DLGAP2: variants seen among roughly 807,000 people sequenced by gnomAD.
DLGAP2 encodes DLG associated protein 2, also known as disks large-associated protein 2.
DLGAP2 carries 26 observed loss-of-function variants against 100.3 expected under a neutral mutation model. That is an observed-to-expected ratio of 0.26 (90% CI 0.19 to 0.36). DLGAP2 has a LOEUF of 0.36. Ranked by LOEUF, DLGAP2 falls within the 10% of genes least tolerant of loss-of-function variation. The pLI is 1.00. For missense variants in DLGAP2, 1,858 were observed against 1,453.2 expected (o/e 1.28, Z -4.53); for synonymous variants, 886 against 630.1 (o/e 1.41, Z -6.08).
intron 5 of DLGAP2, among the ~76,000 whole-genome samples, chr8:1,555,565 G>A (rs541082038): frequency 2.4e-4 from 36 of 152,302 alleles, no homozygotes; most frequent in African/African-American, 6.3e-4. Flanking sequence ...CACCGAGCCC[G>A]TTCGTGTAAT....
intron 4 of DLGAP2, among the ~76,000 whole-genome samples, chr8:1,502,745 T>C (rs925137795): frequency 6.6e-6 from 1 of 152,196 alleles, no homozygotes; most frequent in African/African-American, 2.4e-5. Context: ...TGACGTTTGT[T>C]TTCTTGAGGC....
At chr8:1,700,654 C>T (rs1343877103) in intron 14 of DLGAP2, among the ~76,000 whole-genome samples, 1 of 152,174 alleles carries the variant, frequency 6.6e-6, no homozygotes, top group African/African-American at 2.4e-5. Context: ...TTATAAATAT[C>T]GTCCACGTCA....
intron 6 of DLGAP2, among the ~76,000 whole-genome samples, chr8:1,573,674 G>A (rs549630099): frequency 1.2e-4 from 19 of 152,270 alleles, no homozygotes; most frequent in Non-Finnish European, 2.2e-4. Flanking sequence ...AGAGAATGGA[G>A]CTTTCAGTCC....
At chr8:1,381,705 A>C (rs1179547889) in intron 3 of DLGAP2, among the ~76,000 whole-genome samples, 1 of 151,854 alleles carries the variant, frequency 6.6e-6, no homozygotes, top group Non-Finnish European at 1.5e-5. Flanking sequence ...TATTTCACTC[A>C]GCATCATGTC....
intron 3 of DLGAP2, among the ~76,000 whole-genome samples, chr8:1,488,858 G>A (rs1799297358): frequency 6.6e-6 from 1 of 152,146 alleles, no homozygotes; most frequent in Non-Finnish European, 1.5e-5. Flanking sequence ...GCAGATAGTG[G>A]GGCATGCAGG....
intron 4 of DLGAP2, among the ~76,000 whole-genome samples, chr8:1,510,882 T>A (rs574972900): frequency 6.6e-6 from 1 of 152,358 alleles, no homozygotes; most frequent in Admixed American, 6.5e-5. Flanking sequence ...ACATAATTAA[T>A]AAGGAATTGT....
intron 2 of DLGAP2, among the ~76,000 whole-genome samples, chr8:1,154,046 G>A (rs1450529343): frequency 2.0e-5 from 3 of 152,066 alleles, no homozygotes; most frequent in African/African-American, 7.2e-5. Context: ...TAAACAAGGG[G>A]AATATGGAAG....
chr8:1,464,838 G>C (rs1339429064), intron 3 of DLGAP2, among the ~76,000 whole-genome samples: 2 of 152,202 alleles, frequency 1.3e-5, no homozygotes, highest in Non-Finnish European at 2.9e-5. Flanking sequence ...TATCATATCA[G>C]AAGCTGACCT....
At chr8:1,077,124 G>T (rs924466969) in intron 2 of DLGAP2, among the ~76,000 whole-genome samples, 5 of 152,134 alleles carry the variant, frequency 3.3e-5, no homozygotes, top group African/African-American at 1.2e-4. Flanking sequence ...TGATAGTCCC[G>T]ATCCCAGCCT....
At chr8:881,914 T>C (rs114044894) in intron 1 of DLGAP2, among the ~76,000 whole-genome samples, 2,651 of 152,104 alleles carry the variant, frequency 0.017, 71 homozygotes, top group African/African-American at 0.06. Context: ...CCACCCAATA[T>C]CCAGTCTGGT....
chr8:1,546,960 G>A (rs1220498752), intron 4 of DLGAP2, among the ~76,000 whole-genome samples: 2 of 152,194 alleles, frequency 1.3e-5, no homozygotes, highest in African/African-American at 2.4e-5. Flanking sequence ...CAGCCGTCGA[G>A]GTGGCCACTT....
intron 4 of DLGAP2, 74 bp from the exon 5 acceptor site, chr8:1,548,552 G>A: frequency 1.5e-6 from 2 of 1,338,150 alleles, no homozygotes; most frequent in Non-Finnish European, 2.0e-6. Flanking sequence ...CCACGGTGGG[G>A]GTCACATATT....
intron 4 of DLGAP2, among the ~76,000 whole-genome samples, chr8:1,531,975 A>C (rs192189010): frequency 7.0e-4 from 107 of 152,336 alleles, no homozygotes; most frequent in African/African-American, 2.4e-3. Context: ...TTAGGGAGAC[A>C]TGAGACATTA....
chr8:924,540 C>T (rs553938019), intron 2 of DLGAP2, among the ~76,000 whole-genome samples: 18 of 150,884 alleles, frequency 1.2e-4, no homozygotes, highest in South Asian at 2.1e-4. Flanking sequence ...TCAGAAACTT[C>T]GGGAAGCTGG....
intron 12 of DLGAP2, among the ~76,000 whole-genome samples, chr8:1,685,716 C>T (rs1313377632): frequency 6.6e-6 from 1 of 150,836 alleles, no homozygotes; most frequent in Non-Finnish European, 1.5e-5. Context: ...CCAGAATATA[C>T]AAGGAGCTCA....
chr8:1,581,025 C>T (rs1223674272), intron 6 of DLGAP2, among the ~76,000 whole-genome samples: 3 of 142,742 alleles, frequency 2.1e-5, no homozygotes, highest in Non-Finnish European at 4.6e-5. Context: ...TACACACACA[C>T]CACAGTCAAA....
intron 3 of DLGAP2, among the ~76,000 whole-genome samples, chr8:1,343,884 C>T (rs1801478702): frequency 6.6e-6 from 1 of 152,182 alleles, no homozygotes; most frequent in Admixed American, 6.5e-5. Context: ...TCAGCCCTCT[C>T]ACGCTTCTCA....
At chr8:1,472,370 G>T (rs758355926) in intron 3 of DLGAP2, among the ~76,000 whole-genome samples, 6 of 152,216 alleles carry the variant, frequency 3.9e-5, no homozygotes, top group African/African-American at 7.2e-5. Context: ...CCCAAAGCGG[G>T]TGTGGCCCTT....
intron 3 of DLGAP2, among the ~76,000 whole-genome samples, chr8:1,344,127 C>T (rs1158921931): frequency 6.7e-6 from 1 of 149,682 alleles, no homozygotes; most frequent in African/African-American, 2.5e-5. Context: ...GGGGCCCTGT[C>T]GTGGGTCCGT....
Sources: gnomAD v4.1 joint callset for allele counts (sites outside exome capture counted in the v4.1 genomes callset) on GRCh38, gnomAD v4.1.1 for gene constraint, MANE v1.5 for transcripts, NCBI Gene and HGNC (gene_info 2026-07-23, HGNC 2026-07-21) for gene names.